Variants in TLL2 observed in about 807,000 individuals in gnomAD.
TLL2 encodes the protein tolloid like 2.
Under a neutral mutation model 123.0 loss-of-function variants are expected in TLL2, and 106 were observed. That is an observed-to-expected ratio of 0.86 (90% CI 0.74 to 1.01). The LOEUF (loss-of-function observed/expected upper bound fraction) is 1.01. Ranked by LOEUF, TLL2 falls within the 50% of genes least tolerant of loss-of-function variation. The pLI is 0.00. For synonymous variants in TLL2, 494 were observed against 516.8 expected (o/e 0.96, Z 0.60); for missense variants, 1,332 against 1,336.7 (o/e 1.00, Z 0.06).
At chr10:96,508,323 C>G (rs1411414743) in intron 1 of TLL2, among the ~76,000 whole-genome samples, 2 of 152,184 alleles carry the variant, frequency 1.3e-5, no homozygotes, top group African/African-American at 4.8e-5. Flanking sequence ...ACAGCTGCCC[C>G]AGAGAGGGCT....
chr10:96,385,196 T>A (rs547678513), intron 15 of TLL2, among the ~76,000 whole-genome samples: 1 of 152,206 alleles, frequency 6.6e-6, no homozygotes, highest in South Asian at 2.1e-4. Flanking sequence ...TGACTCCATT[T>A]TCAGGCAGGG....
intron 1 of TLL2, among the ~76,000 whole-genome samples, chr10:96,508,868 A>G (rs957849586): frequency 2.6e-5 from 4 of 152,004 alleles, no homozygotes; most frequent in Admixed American, 6.5e-5. Flanking sequence ...TTTTAACAAC[A>G]TGATATTGAC....
intron 5 of TLL2, among the ~76,000 whole-genome samples, chr10:96,427,529 G>A (rs1026228529): frequency 1.3e-5 from 2 of 152,104 alleles, no homozygotes; most frequent in African/African-American, 2.4e-5. Context: ...GAAGACTTAT[G>A]ACAGTTATAT....
chr10:96,503,555 C>T (rs1374727355), intron 1 of TLL2, among the ~76,000 whole-genome samples: 1 of 152,172 alleles, frequency 6.6e-6, no homozygotes, highest in African/African-American at 2.4e-5. Flanking sequence ...TGCTCTTTAT[C>T]AGCCAAGCCT....
intron 5 of TLL2, 147 bp from the exon 6 acceptor site, chr10:96,422,874 TC>T: frequency 1.0e-6 from 1 of 974,506 alleles, no homozygotes; most frequent in South Asian, 1.6e-5. Context: ...ACGCCTGTAA[TC>T]CCAGAACTTT....
At chr10:96,371,425 C>T (rs951849659) in intron 19 of TLL2, among the ~76,000 whole-genome samples, 8 of 152,252 alleles carry the variant, frequency 5.3e-5, no homozygotes, top group African/African-American at 1.9e-4. Flanking sequence ...CAGCCCCTCC[C>T]CAGTGTGCTC....
chr10:96,476,278 TCTCA>T (rs1272657750), intron 2 of TLL2, among the ~76,000 whole-genome samples: 1 of 131,758 alleles, frequency 7.6e-6, no homozygotes, highest in African/African-American at 3.1e-5. Context: ...TGAGACGGAG[TCTCA>T]CTCTGTCACT....
At chr10:96,394,039 A>T (rs1240368059) in intron 13 of TLL2, among the ~76,000 whole-genome samples, 1 of 152,204 alleles carries the variant, frequency 6.6e-6, no homozygotes, top group Admixed American at 6.5e-5. Context: ...TCTGGGTGAC[A>T]GTGCAGAAGT....
intron 13 of TLL2, among the ~76,000 whole-genome samples, chr10:96,394,273 C>T (rs572545224): frequency 7.2e-5 from 11 of 152,274 alleles, no homozygotes; most frequent in Admixed American, 7.2e-4. Context: ...CAGCAGAGGA[C>T]TGAATGTCTC....
At chr10:96,472,188 T>C (rs1160007012) in intron 2 of TLL2, among the ~76,000 whole-genome samples, 4 of 152,132 alleles carry the variant, frequency 2.6e-5, no homozygotes, top group Non-Finnish European at 4.4e-5. Flanking sequence ...CACTTGGCAA[T>C]GCATGACGTG....
intron 2 of TLL2, among the ~76,000 whole-genome samples, chr10:96,471,420 G>A (rs562291339): frequency 6.6e-6 from 1 of 152,284 alleles, no homozygotes; most frequent in South Asian, 2.1e-4. Flanking sequence ...AGAGTCCCCT[G>A]CAGGTTCCGG....
chr10:96,462,525 A>G (rs1847091482), intron 2 of TLL2, among the ~76,000 whole-genome samples: 1 of 152,184 alleles, frequency 6.6e-6, no homozygotes, highest in South Asian at 2.1e-4. Context: ...CTCCCAGGAG[A>G]TCAATATACA....
intron 9 of TLL2, among the ~76,000 whole-genome samples, chr10:96,408,445 C>T (rs1846471068): frequency 6.6e-6 from 1 of 152,154 alleles, no homozygotes; most frequent in Non-Finnish European, 1.5e-5. Flanking sequence ...CTCTCTGTCC[C>T]CAGTTAGCAC....
rs1414403922 is a variant in TLL2 at position 96,432,878 on chromosome 10, G to T, written c.449C>A (p.Ala150Asp). The T allele has an allele frequency of 6.2e-7, 1 of 1,613,992 alleles. No homozygotes were observed. Among genetic ancestry groups the T allele is most frequent in the East Asian group, 2.2e-5 (1 of 44,870 alleles). ...AKTFSPRVRR[A>D]TTSRTERIWP... ...TATCCTCTCTGTCCTTGAGGTTGTG[G>T]CTCTTCGGACCCGGGGAGAGAAGGT... The change falls in exon 4 of 21, where the codon GCC becomes GAC. Residue 150 changes from alanine to aspartate, a missense_variant. Physicochemically the swap from Ala to Asp is moderately radical, Grantham distance 126. Coordinates refer to ENST00000357947, the MANE Select transcript of TLL2 (RefSeq NM_012465.4).
chr10:96,422,739 C>T lies in TLL2; in HGVS notation c.639-12G>A. 1.9e-6 allele frequency: 3 copies of T among 1,613,946 alleles called. No individual in the cohort carries two copies. Among genetic ancestry groups the T allele is most frequent in the Non-Finnish European group, 1.7e-6 (2 of 1,179,976 alleles). On this transcript the variant is annotated splice_polypyrimidine_tract_variant and intron_variant, in intron 5 of 20. Transcript: ENST00000357947. ...CATAGGAGCAACAGCTGGACAATTGCAGGAATACCCAGGTCAGCAGGTCAG... is the reference window on the plus strand; with the variant it reads ...CATAGGAGCAACAGCTGGACAATTGTAGGAATACCCAGGTCAGCAGGTCAG...
intron 1 of TLL2, among the ~76,000 whole-genome samples, chr10:96,494,224 G>A (rs982971107): frequency 1.8e-4 from 27 of 152,328 alleles, no homozygotes; most frequent in African/African-American, 6.5e-4. Context: ...GGATTTTAGG[G>A]GTGGTGAACG....
chr10:96,412,790 C>A (rs917769756), intron 8 of TLL2, among the ~76,000 whole-genome samples: 4 of 152,190 alleles, frequency 2.6e-5, no homozygotes, highest in Non-Finnish European at 4.4e-5. Context: ...TGTCTTCCTG[C>A]AAAATCCAGC....
chr10:96,468,726 G>T (rs1382442570), intron 2 of TLL2, among the ~76,000 whole-genome samples: 1 of 152,186 alleles, frequency 6.6e-6, no homozygotes, highest in Non-Finnish European at 1.5e-5. Flanking sequence ...CACTCAAGAG[G>T]AGGCACCACC....
At position 96,382,518 on chromosome 10, in the gene TLL2, C is replaced by T. The variant is rs141983151; in HGVS notation, c.2194+2069G>A. ...CAATCAATGTGCTAAGAGGGTGCTACGGTTTGAATGGGTCCCCCAAAGTTC... is the reference window on the plus strand; with the variant it reads ...CAATCAATGTGCTAAGAGGGTGCTATGGTTTGAATGGGTCCCCCAAAGTTC... On this transcript the variant is annotated intron_variant, in intron 16 of 20. Transcript: ENST00000357947. 2.5e-4 allele frequency among the ~76,000 whole-genome samples: 38 copies of T among 152,358 alleles called. No homozygotes were observed. The Middle Eastern group carries it at 0.01, about 41-fold the overall frequency.
Sources: allele counts gnomAD v4.1 joint callset (sites outside exome capture counted in the v4.1 genomes callset), GRCh38; gene constraint gnomAD v4.1.1; transcripts MANE v1.5; gene names NCBI Gene and HGNC (gene_info 2026-07-23, HGNC 2026-07-21).